Variants in GALNT10 observed in about 807,000 individuals in gnomAD.
The protein encoded by GALNT10 is polypeptide N-acetylgalactosaminyltransferase 10.
A neutral mutation model predicts 75.0 loss-of-function variants in GALNT10; 41 were observed. The ratio of observed to expected loss-of-function variants is 0.55; its 90% CI spans 0.43 to 0.71. GALNT10 has a LOEUF of 0.71. GALNT10 is among the 30% of genes least tolerant of loss of function. The pLI, the probability that GALNT10 is intolerant of heterozygous loss-of-function variation, is 0.00. For missense variants in GALNT10, 727 were observed against 818.5 expected (o/e 0.89, Z 1.36); for synonymous variants, 302 against 313.0 (o/e 0.96, Z 0.37).
At chr5:154,216,450 T>G (rs907714701) in intron 1 of GALNT10, among the ~76,000 whole-genome samples, 19 of 152,294 alleles carry the variant, frequency 1.2e-4, no homozygotes, top group Admixed American at 5.9e-4. Flanking sequence ...TTTTTAGCAT[T>G]GGGCAACTAA....
rs187544621 is a variant in GALNT10, at chr5:154,229,589, C to T, written c.159+38564C>T. 4.0e-3 allele frequency among the ~76,000 whole-genome samples: 613 copies of T among 152,118 alleles called. 15 individuals carry two copies. In the East Asian group the frequency reaches 0.062, roughly 15 times the overall value. The stretch of plus-strand genomic sequence containing the variant: ...TAAAAATACAAAAAAAAAAATTCGC[C>T]GGGCATGGTGGCGGGTGCCTGTAGT... On this transcript the variant is annotated intron_variant, in intron 1 of 11. Coordinates refer to ENST00000297107, the MANE Select transcript of GALNT10 (RefSeq NM_198321.4).
chr5:154,344,119 A>G, intron 4 of GALNT10, among the ~76,000 whole-genome samples: 1 of 151,922 alleles, frequency 6.6e-6, no homozygotes, highest in Non-Finnish European at 1.5e-5. Flanking sequence ...TCATCTTCCC[A>G]TGGCTCCCTC....
In GALNT10 at chr5:154,344,432, G is replaced by A. The variant is rs138394355; in HGVS notation, c.568+14694G>A. On this transcript the variant is annotated intron_variant, in intron 4 of 11. Coordinates refer to ENST00000297107, the MANE Select transcript of GALNT10 (RefSeq NM_198321.4). ...TCACTATGTTGGCCAGGATGGTCTCGATCTCCTGACCTTGTGATCCGCCCA... is the reference window on the plus strand; with the variant it reads ...TCACTATGTTGGCCAGGATGGTCTCAATCTCCTGACCTTGTGATCCGCCCA... 3.9e-5 allele frequency among the ~76,000 whole-genome samples: 6 copies of A among 151,934 alleles called. No homozygotes were observed. The South Asian group carries it at 6.2e-4, about 16-fold the overall frequency.
At chr5:154,367,806 C>T (rs975993083) in intron 4 of GALNT10, among the ~76,000 whole-genome samples, 5 of 150,140 alleles carry the variant, frequency 3.3e-5, no homozygotes, top group African/African-American at 1.2e-4. Context: ...TGCAGTGAGC[C>T]GAGATCGCGC....
At chr5:154,292,351 G>A (rs932815068) in intron 1 of GALNT10, among the ~76,000 whole-genome samples, 1 of 152,204 alleles carries the variant, frequency 6.6e-6, no homozygotes, top group South Asian at 2.1e-4. Flanking sequence ...TTCCCAGGTG[G>A]CACCCATCCT....
chr5:154,365,531 T>A (rs966436297), intron 4 of GALNT10, among the ~76,000 whole-genome samples: 3 of 152,218 alleles, frequency 2.0e-5, no homozygotes, highest in Admixed American at 6.5e-5. Flanking sequence ...CTGTTTGATC[T>A]TGGGCAGTAA....
chr5:154,232,266 C>T (rs563968070), intron 1 of GALNT10, among the ~76,000 whole-genome samples: 2 of 152,240 alleles, frequency 1.3e-5, no homozygotes, highest in East Asian at 3.9e-4. Flanking sequence ...TGTTATCTGT[C>T]CTTTTAGTTG....
rs527774125 is a variant in GALNT10, at chr5:154,265,470, A to T, written c.160-29346A>T. On this transcript the variant is annotated intron_variant, in intron 1 of 11. Coordinates refer to ENST00000297107, the MANE Select transcript of GALNT10 (RefSeq NM_198321.4). The stretch of plus-strand genomic sequence containing the variant: ...AGTCTTTAAACCAACTACTGCTTTT[A>T]CAGTGTACAGACTGAGTTTTCAATG... Among the ~76,000 whole-genome samples, 16 of 152,330 alleles carry T rather than the reference A, an allele frequency of 1.1e-4. No homozygotes were observed. In the East Asian group the frequency reaches 3.1e-3, roughly 29 times the overall value.
chr5:154,249,096 A>G (rs984389076), intron 1 of GALNT10, among the ~76,000 whole-genome samples: 1 of 152,242 alleles, frequency 6.6e-6, no homozygotes, highest in African/African-American at 2.4e-5. Context: ...GTTACCAGCT[A>G]TCTGATCCTA....
chr5:154,398,206 T>G (rs1378305601), intron 7 of GALNT10, among the ~76,000 whole-genome samples: 2 of 152,212 alleles, frequency 1.3e-5, no homozygotes, highest in Non-Finnish European at 2.9e-5. Flanking sequence ...TGGGAACTCC[T>G]GCGGTGGAGC....
chr5:154,231,033 A>G (rs971820411), intron 1 of GALNT10, among the ~76,000 whole-genome samples: 1 of 152,234 alleles, frequency 6.6e-6, no homozygotes, highest in Non-Finnish European at 1.5e-5. Context: ...CAGCTTTGTG[A>G]ACGTTGGCTG....
chr5:154,398,253 C>T (rs1756088079), intron 7 of GALNT10, among the ~76,000 whole-genome samples: 1 of 152,244 alleles, frequency 6.6e-6, no homozygotes, highest in Non-Finnish European at 1.5e-5. Flanking sequence ...CATCCCCCTA[C>T]AGGGGTGGGA....
At chr5:154,408,423 G>A (rs1382117773) in intron 8 of GALNT10, among the ~76,000 whole-genome samples, 2 of 152,170 alleles carry the variant, frequency 1.3e-5, no homozygotes, top group African/African-American at 4.8e-5. Flanking sequence ...GCCAGGGGTT[G>A]AAGAAAGATG....
intron 1 of GALNT10, among the ~76,000 whole-genome samples, chr5:154,204,111 G>A (rs1775070284): frequency 6.6e-6 from 1 of 152,174 alleles, no homozygotes; most frequent in Non-Finnish European, 1.5e-5. Context: ...TGACTCCTCA[G>A]GTAGGAGCCA....
intron 1 of GALNT10, among the ~76,000 whole-genome samples, chr5:154,286,984 G>GGTCAGCAGC (rs1754120794): frequency 6.6e-6 from 1 of 152,216 alleles, no homozygotes; most frequent in South Asian, 2.1e-4. Context: ...CTGAATAGGT[G>GGTCAGCAGC]CTAGGGTTAG....
intron 1 of GALNT10, among the ~76,000 whole-genome samples, chr5:154,233,017 T>C (rs1753173159): frequency 6.6e-6 from 1 of 152,214 alleles, no homozygotes; most frequent in African/African-American, 2.4e-5. Flanking sequence ...AGGTCGCTGA[T>C]CTTGGACAAG....
intron 1 of GALNT10, among the ~76,000 whole-genome samples, chr5:154,273,289 C>T (rs1484961127): frequency 6.6e-6 from 1 of 152,088 alleles, no homozygotes; most frequent in Non-Finnish European, 1.5e-5. Flanking sequence ...GAACACTGGC[C>T]GGCACTGAGA....
chr5:154,380,493 A>C lies in GALNT10; in HGVS notation c.800A>C (p.Asp267Ala). 6.2e-7 allele frequency: 1 copy of C among 1,614,108 alleles called. No individual in the cohort carries two copies. The highest frequency in any genetic ancestry group is 8.5e-7 in the Non-Finnish European group (1 of 1,180,010). ...NRKTIVCPMI[D>A]VIDHDDFRYE... ...AAGACCATTGTGTGCCCGATGATTGATGTAATTGACCATGACGACTTTCGG... is the reference window on the plus strand; with the variant it reads ...AAGACCATTGTGTGCCCGATGATTGCTGTAATTGACCATGACGACTTTCGG... Residue 267 changes from aspartate (D) to alanine (A), a missense_variant, in exon 6 of 12, where the codon GAT becomes GCT. Transcript: ENST00000297107.
intron 1 of GALNT10, among the ~76,000 whole-genome samples, chr5:154,279,645 T>C (rs1754008681): frequency 6.6e-6 from 1 of 151,914 alleles, no homozygotes; most frequent in Non-Finnish European, 1.5e-5. Context: ...TGACATTGTG[T>C]ACTTGACTCA....
Sources: allele counts gnomAD v4.1 joint callset (sites outside exome capture counted in the v4.1 genomes callset), GRCh38; gene constraint gnomAD v4.1.1; transcripts MANE v1.5; gene names NCBI Gene and HGNC (gene_info 2026-07-23, HGNC 2026-07-21).